The following ACAP3 variants were observed in gnomAD, a reference collection of about 807,000 sequenced individuals.
ACAP3 encodes the protein arf-GAP with coiled-coil, ANK repeat and PH domain-containing protein 3.
Under a neutral mutation model 104.1 loss-of-function variants are expected in ACAP3, and 56 were observed. The ratio of observed to expected loss-of-function variants is 0.54; its 90% CI spans 0.43 to 0.67. The LOEUF (loss-of-function observed/expected upper bound fraction) is 0.67, where lower values mean the gene tolerates loss of function less well. ACAP3 is among the 30% of genes least tolerant of loss of function. The pLI is 0.00. For missense variants in ACAP3, 1,208 were observed against 1,174.9 expected (o/e 1.03, Z -0.41); for synonymous variants, 628 against 496.2 (o/e 1.27, Z -3.53).
chr1:1,293,052 C>A lies in ACAP3; in HGVS notation c.*512G>T, dbSNP rs1335720085. The A allele has an allele frequency of 6.6e-6, 1 of 152,256 alleles. No homozygotes were observed. The highest frequency in any genetic ancestry group is 1.9e-4 in the East Asian group (1 of 5,192). 9.4% of individuals were successfully genotyped at this position (152,256 alleles called of 1,614,324 possible). On this transcript the variant is annotated 3_prime_UTR_variant, in exon 24 of 24. Coordinates refer to ENST00000354700, the MANE Select transcript of ACAP3 (RefSeq NM_030649.3). ...GACCCAGGCCAGAGCCCCTCCCGCC[C>A]AGCACCCGCGACGCCAGCCTGGATG...
intron 5 of ACAP3, among the ~76,000 whole-genome samples, chr1:1,301,046 C>T (rs1641419952): frequency 6.6e-6 from 1 of 152,072 alleles, no homozygotes; most frequent in African/African-American, 2.4e-5. Context: ...GGATTACAGG[C>T]GTGAGCCACT....
intron 12 of ACAP3, 113 bp from the exon 13 acceptor site, chr1:1,298,226 T>C: frequency 6.4e-7 from 1 of 1,574,320 alleles, no homozygotes. Context: ...CCAAGCCCCG[T>C]GTCCAGCTCT....
Position 1,300,613 on chromosome 1 carries a change from C to A in ACAP3, c.418G>T (p.Ala140Ser), listed in dbSNP as rs1313995147. Residue 140 changes from alanine to serine, a missense_variant, in exon 6 of 24, where the codon GCC becomes TCC. Coordinates refer to ENST00000354700, the MANE Select transcript of ACAP3 (RefSeq NM_030649.3). Reference sequence around the variant, plus strand: ...TGGGGCCGGTGCCTCGGGGCCTGGGCGTTCCTCACCAGGGACAGCTCCAGG... The same window carrying A: ...TGGGGCCGGTGCCTCGGGGCCTGGGAGTTCCTCACCAGGGACAGCTCCAGG... The part of the protein sequence containing the change: ...EDLELSLVRN[A>S]QAPRHRPHEV... 1 of 1,608,206 alleles carries A rather than the reference C, an allele frequency of 6.2e-7. No individual in the cohort carries two copies. The highest frequency in any genetic ancestry group is 8.5e-7 in the Non-Finnish European group (1 of 1,178,780).
In ACAP3 at chr1:1,298,619, T is replaced by C. The variant is rs1641305825; in HGVS notation, c.811A>G (p.Met271Val). 2 of 1,604,160 alleles carry C rather than the reference T, an allele frequency of 1.2e-6. No individual in the cohort carries two copies. Among genetic ancestry groups the C allele is most frequent in the Non-Finnish European group, 1.7e-6 (2 of 1,175,384 alleles). ...FDVDAPSGVV[M>V]EGYLFKRASN... ...GCCCTCTTGAAGAGGTAGCCCTCCA[T>C]CACCACCCCACTGGGCGCGTCCACG... The change falls in exon 11 of 24, where the codon ATG becomes GTG. Residue 271 changes from methionine to valine, a missense_variant. Coordinates refer to ENST00000354700, the MANE Select transcript of ACAP3 (RefSeq NM_030649.3).
chr1:1,294,017 G>A (rs1232396396), intron 22 of ACAP3, 73 bp downstream of exon 22: 3 of 1,475,416 alleles, frequency 2.0e-6, no homozygotes, highest in Non-Finnish European at 2.7e-6. Context: ...GATAGGGCAT[G>A]GCGGACAGGG....
chr1:1,307,658 C>T, intron 1 of ACAP3, 111 bp downstream of exon 1: 2 of 996,090 alleles, frequency 2.0e-6, no homozygotes, highest in Non-Finnish European at 2.4e-6. Context: ...CCAGCCCCTC[C>T]CCGGCGGCCG....
At chr1:1,299,646 C>T in intron 9 of ACAP3, 185 bp downstream of exon 9, 1 of 767,178 alleles carries the variant, frequency 1.3e-6, no homozygotes, top group East Asian at 2.8e-5. Flanking sequence ...GCAGCGGCCC[C>T]ACCCACACGT....
chr1:1,299,492 T>C (rs1570649116), intron 9 of ACAP3, 136 bp from the exon 10 acceptor site: 2 of 1,098,030 alleles, frequency 1.8e-6, no homozygotes, highest in East Asian at 2.9e-5. Context: ...GGCTCTCCCC[T>C]ATCCCAAAAT....
intron 9 of ACAP3, 27 bp downstream of exon 9, chr1:1,299,804 T>TGCAGGGA: frequency 6.5e-7 from 1 of 1,537,476 alleles, no homozygotes. Flanking sequence ...GCGCCTGGTG[T>TGCAGGGA]GCAGGGAGCC....
intron 14 of ACAP3, 121 bp from the exon 15 acceptor site, chr1:1,296,754 C>CACACGCACGT (rs1178448884): frequency 9.5e-7 from 1 of 1,054,998 alleles, no homozygotes; most frequent in Admixed American, 2.1e-5. Flanking sequence ...CACACGCCCG[C>CACACGCACGT]ACACGCACGT....
At chr1:1,297,972 C>T (rs1383027656) in intron 13 of ACAP3, 39 bp from the exon 14 acceptor site, 51 of 1,610,814 alleles carry the variant, frequency 3.2e-5, no homozygotes, top group Non-Finnish European at 4.2e-5. Flanking sequence ...CTCCGGTGGG[C>T]AGGTACGCCC....
At position 1,300,189 on chromosome 1, in the gene ACAP3, T is replaced by G; in HGVS notation, c.536A>C (p.Gln179Pro). The change falls in exon 7 of 24, where the codon CAG becomes CCG. Residue 179 changes from glutamine to proline, a missense_variant. Transcript: ENST00000354700. Reference protein sequence around the residue: ...LDYVLQINVLQAKKKFEILDS... With the variant: ...LDYVLQINVLPAKKKFEILDS... ...CAGGATCTCAAACTTCTTCTTGGCC[T>G]GCAGAACATTGATCTGCCAGAGGGG... is the stretch of plus-strand genomic sequence containing the variant. 1 of 1,609,420 alleles carries G rather than the reference T, an allele frequency of 6.2e-7. No individual in the cohort carries two copies. The highest frequency in any genetic ancestry group is 8.5e-7 in the Non-Finnish European group (1 of 1,178,076).
In ACAP3 at chr1:1,299,995, T is replaced by C; in HGVS notation, c.641A>G (p.Tyr214Cys). ...CACCTCGGCTGCCAGCTTCTTCATGTAGGGGTCCAGCTGGTGCAGGAGGCT... is the reference window on the plus strand; with the variant it reads ...CACCTCGGCTGCCAGCTTCTTCATGCAGGGGTCCAGCTGGTGCAGGAGGCT... ...GYSLLHQLDPYMKKLAAELDQ... is the reference protein window; with the variant it reads ...GYSLLHQLDPCMKKLAAELDQ... The change falls in exon 8 of 24, where the codon TAC becomes TGC. Residue 214 changes from tyrosine to cysteine, a missense_variant. Physicochemically the swap from Tyr to Cys is radical, Grantham distance 194. Transcript: ENST00000354700. The C allele has an allele frequency of 6.2e-7, 1 of 1,611,332 alleles. No individual in the cohort carries two copies. The highest frequency in any genetic ancestry group is 8.5e-7 in the Non-Finnish European group (1 of 1,178,986).
rs758228365 is a variant in ACAP3 at position 1,295,804 on chromosome 1, C to G, written c.1637G>C (p.Arg546Pro). 5.0e-6 allele frequency: 8 copies of G among 1,609,742 alleles called. No individual in the cohort carries two copies. The highest frequency in any genetic ancestry group is 6.8e-6 in the Non-Finnish European group (8 of 1,179,820). Residue 546 changes from arginine (R) to proline (P), a missense_variant, in exon 18 of 24, where the codon CGC (arginine) becomes CCC (proline). Physicochemically the swap from Arg to Pro is moderately radical, Grantham distance 103. Coordinates refer to ENST00000354700, the MANE Select transcript of ACAP3 (RefSeq NM_030649.3). Reference protein sequence around the residue: ...QKCLRPHSSPRAPTARRKVRL... With the variant: ...QKCLRPHSSPPAPTARRKVRL... Reference sequence around the variant, plus strand: ...GACCTTGCGGCGGGCAGTGGGAGCGCGGGGAGAGCTGTGGGGCCGCAGGCA... The same window carrying G: ...GACCTTGCGGCGGGCAGTGGGAGCGGGGGGAGAGCTGTGGGGCCGCAGGCA...
intron 14 of ACAP3, 64 bp from the exon 15 acceptor site, chr1:1,296,697 C>A: frequency 1.3e-6 from 2 of 1,485,928 alleles, no homozygotes; most frequent in Non-Finnish European, 1.8e-6. Flanking sequence ...CCAGCAGGCC[C>A]CCTCCTCCCC....
rs769860071 is a variant in ACAP3 at position 1,307,289 on chromosome 1, C to A, written c.47+480G>T. ...GCCGCTCTTCTCGGCCGCCACCCCT[C>A]CAAGCCCCTGGGTCATTCAAACCAC... On this transcript the variant is annotated intron_variant, in intron 1 of 23. Transcript: ENST00000354700. 8.5e-6 allele frequency: 11 copies of A among 1,289,382 alleles called. No homozygotes were observed. The Middle Eastern group carries it at 1.1e-3, about 125-fold the overall frequency. The allele number at this position is 1,289,382 out of a possible 1,614,324, so 79.9% of individuals were successfully genotyped here. A position where few individuals can be genotyped will look rare whatever the true frequency, so the allele number is the denominator to read the frequency against.
At position 1,303,270 on chromosome 1, in the gene ACAP3, C is replaced by T; in HGVS notation, c.117G>A (p.Leu39=). 1 of 1,587,230 alleles carries T rather than the reference C, an allele frequency of 6.3e-7. No individual in the cohort carries two copies. Among genetic ancestry groups the T allele is most frequent in the African/African-American group, 1.3e-5 (1 of 74,596 alleles). The change falls in exon 3 of 24, where the codon CTG becomes CTA. Residue 39 remains leucine, a synonymous_variant. Transcript: ENST00000354700. This position sits in a 1 kb window ranked among gnomAD's most constrained non-coding sequence, Gnocchi z 4.0. ...IEAKLDKLVK[L]CSGMVEAGKA... ...TACCGGCTTCCACCATGCCACTGCA[C>T]AGCTTCACCAGCTGTGGGCCAGCGG...
chr1:1,296,411 C>T lies in ACAP3; in HGVS notation c.1337+14G>A, dbSNP rs761224285. ...GCCCAACCCCCACCCCCAGCCTGGC[C>T]CTCAGGGGCCCACCTGTGGATGCCG... On this transcript the variant is annotated intron_variant, in intron 15 of 23. Transcript: ENST00000354700. 255 of 1,544,972 alleles carry T rather than the reference C, an allele frequency of 1.7e-4. 2 individuals carry two copies. In the Admixed American group the frequency reaches 4.8e-3, roughly 29 times the overall value.
chr1:1,303,339 A>G lies in ACAP3; in HGVS notation c.106-58T>C. The G allele has an allele frequency of 1.3e-6, 2 of 1,537,874 alleles. No individual in the cohort carries two copies. Among genetic ancestry groups the G allele is most frequent in the Non-Finnish European group, 1.8e-6 (2 of 1,139,708 alleles). ...GGCACTGGCGCCTGCACTCGCCACCACACACGGCCACTCAGAGGCAGGAAG... is the reference window on the plus strand; with the variant it reads ...GGCACTGGCGCCTGCACTCGCCACCGCACACGGCCACTCAGAGGCAGGAAG... On this transcript the variant is annotated intron_variant, in intron 2 of 23. Transcript: ENST00000354700. The surrounding 1 kb of genome is among the most constrained non-coding windows in gnomAD (Gnocchi z 4.0).
Sources: gnomAD v4.1 joint callset for allele counts (sites outside exome capture counted in the v4.1 genomes callset) on GRCh38, gnomAD v4.1.1 for gene constraint, Gnocchi (gnomAD v3.1) non-coding constraint, MANE v1.5 for transcripts, NCBI Gene and HGNC (gene_info 2026-07-23, HGNC 2026-07-21) for gene names.